The following AMOTL1 variants were observed in gnomAD, a reference collection of about 807,000 sequenced individuals.
AMOTL1 encodes angiomotin like 1, also known as angiomotin-like protein 1.
A neutral mutation model predicts 102.9 loss-of-function variants in AMOTL1; 45 were observed. The ratio of observed to expected loss-of-function variants is 0.44; its 90% CI spans 0.34 to 0.56. The LOEUF is 0.56. Among genes scored for constraint, AMOTL1 ranks in the 20% least tolerant of loss-of-function variants. AMOTL1 has a pLI of 0.01. For synonymous variants in AMOTL1, 481 were observed against 484.7 expected (o/e 0.99, Z 0.10); for missense variants, 1,114 against 1,225.6 (o/e 0.91, Z 1.36).
At chr11:94,825,583 C>G (rs147409269) in intron 4 of AMOTL1, among the ~76,000 whole-genome samples, 2 of 152,116 alleles carry the variant, frequency 1.3e-5, no homozygotes, top group African/African-American at 2.4e-5. Flanking sequence ...ACACCTAGGC[C>G]GAAAAGGAGA....
intron 3 of AMOTL1, among the ~76,000 whole-genome samples, chr11:94,811,359 G>T (rs1397275011): frequency 6.6e-6 from 1 of 151,972 alleles, no homozygotes; most frequent in African/African-American, 2.4e-5. Flanking sequence ...GCTGGGTGTG[G>T]TGGTGCACGC....
chr11:94,859,354 C>T (rs940672956), intron 8 of AMOTL1, among the ~76,000 whole-genome samples, 171 bp from the exon 9 acceptor site: 4 of 152,074 alleles, frequency 2.6e-5, no homozygotes, highest in African/African-American at 9.7e-5. Context: ...ATAATATTGT[C>T]GTTTTGCAGA....
chr11:94,836,578 T>A (rs2135675736), intron 6 of AMOTL1, among the ~76,000 whole-genome samples: 1 of 152,346 alleles, frequency 6.6e-6, no homozygotes, highest in East Asian at 1.9e-4. Context: ...CTTGAAATTA[T>A]CCTTATGCAG....
At chr11:94,771,818 T>TCC (rs1023197670) in intron 1 of AMOTL1, among the ~76,000 whole-genome samples, 2 of 152,108 alleles carry the variant, frequency 1.3e-5, no homozygotes, top group African/African-American at 4.8e-5. Context: ...TCAGGCATTT[T>TCC]CCCCCCATCT....
intron 3 of AMOTL1, among the ~76,000 whole-genome samples, chr11:94,759,194 T>A (rs1186407865): frequency 6.6e-6 from 1 of 152,202 alleles, no homozygotes; most frequent in African/African-American, 2.4e-5. Flanking sequence ...ATACAATGAA[T>A]TAAAATTTGC....
At chr11:94,836,239 G>A (rs1424128305) in intron 6 of AMOTL1, among the ~76,000 whole-genome samples, 1 of 152,128 alleles carries the variant, frequency 6.6e-6, no homozygotes, top group Middle Eastern at 3.2e-3. Flanking sequence ...AGATGCTATG[G>A]GTTTCTATCA....
At chr11:94,710,115 C>T (rs2135426601) in intron 1 of AMOTL1, among the ~76,000 whole-genome samples, 1 of 152,322 alleles carries the variant, frequency 6.6e-6, no homozygotes, top group East Asian at 1.9e-4. Flanking sequence ...CAAGGCTCTG[C>T]TGAAGATCTG....
At position 94,875,359 on chromosome 11, in the gene AMOTL1, T is replaced by G. The variant is rs1367951928; in HGVS notation, c.*4564T>G. 3 of 152,206 alleles carry G rather than the reference T, an allele frequency of 2.0e-5. No individual in the cohort carries two copies. The highest frequency in any genetic ancestry group is 1.3e-4 in the Admixed American group (2 of 15,280). 9.4% of individuals were successfully genotyped at this position (152,206 alleles called of 1,614,324 possible). A position where few individuals can be genotyped will look rare whatever the true frequency, so the allele number is the denominator to read the frequency against. ...GTATACCCTTTTCTCACTTAGTAAT[T>G]TAATGGTATATAAAGACATGTGTAT... On this transcript the variant is annotated 3_prime_UTR_variant, in exon 13 of 13. Transcript: ENST00000433060.
In AMOTL1 at chr11:94,864,613, T is replaced by C. The variant is rs1454444770; in HGVS notation, c.2136-122T>C. 23 of 1,360,214 alleles carry C rather than the reference T, an allele frequency of 1.7e-5. 1 individual carries two copies. In the South Asian group the frequency reaches 3.5e-4, roughly 21 times the overall value. 84.3% of individuals were successfully genotyped at this position (1,360,214 alleles called of 1,614,324 possible). ...GGGAGGGAAAGGCTTCATGAGCCAA[T>C]GCGAGATGCAGAGCTGATCTCTGTT... On this transcript the variant is annotated intron_variant, in intron 9 of 12. Coordinates refer to ENST00000433060, the MANE Select transcript of AMOTL1 (RefSeq NM_130847.3).
chr11:94,799,434 A>T lies in AMOTL1; in HGVS notation c.244A>T (p.Ile82Phe). The T allele has an allele frequency of 6.3e-7, 1 of 1,597,136 alleles. No individual in the cohort carries two copies. The highest frequency in any genetic ancestry group is 1.7e-5 in the Admixed American group (1 of 57,392). ...CNFHSPNFLR[I>F]SEVEMRGSED... is the part of the protein sequence containing the mutation. ...CTTCCACTCCCCAAACTTCCTGAGG[A>T]TCTCAGAGGTGGAAATGAGAGGTTC... The change falls in exon 3 of 13, where the codon ATC (isoleucine) becomes TTC (phenylalanine). Residue 82 changes from isoleucine to phenylalanine, a missense_variant. By Grantham distance (21) the Ile-to-Phe change is conservative. Transcript: ENST00000433060. This position sits in a 1 kb window ranked among gnomAD's most constrained non-coding sequence, Gnocchi z 4.5.
chr11:94,811,499 GA>G (rs903712534), intron 3 of AMOTL1, among the ~76,000 whole-genome samples: 12 of 149,286 alleles, frequency 8.0e-5, no homozygotes, highest in South Asian at 4.3e-4. Context: ...CTGCCTCCGA[GA>G]AAAAAAAAAT....
exon 2 of AMOTL1, chr11:94,729,050 G>A (rs1282878661): frequency 1.6e-6 from 2 of 1,289,102 alleles, no homozygotes; most frequent in Middle Eastern, 2.1e-4. Flanking sequence ...GCCAGCACCA[G>A]AGCGGGTAAG....
chr11:94,722,524 T>C (rs996179770), intron 1 of AMOTL1, among the ~76,000 whole-genome samples: 3 of 152,192 alleles, frequency 2.0e-5, no homozygotes, highest in Non-Finnish European at 4.4e-5. Context: ...TGATACCCTA[T>C]TACAGATAGA....
In AMOTL1 at chr11:94,861,687, G is replaced by A. The variant is rs184009147; in HGVS notation, c.2135+1972G>A. ...ACCTGACCACATTGCTTTGGCTGAG[G>A]ACACTAAAGCCCCAGTAGCAGTGTA... On this transcript the variant is annotated intron_variant, in intron 9 of 12. Transcript: ENST00000433060. Among the ~76,000 whole-genome samples the A allele has an allele frequency of 2.0e-5, 3 of 152,264 alleles. No homozygotes were observed. The East Asian group carries it at 5.8e-4, about 29-fold the overall frequency.
At chr11:94,717,051 G>C (rs1950109649) in intron 1 of AMOTL1, among the ~76,000 whole-genome samples, 3 of 151,908 alleles carry the variant, frequency 2.0e-5, no homozygotes, top group Admixed American at 2.0e-4. Flanking sequence ...TTGGTGGTTT[G>C]GGGTTGTAAG....
At chr11:94,819,372 G>A (rs1331764662) in intron 3 of AMOTL1, among the ~76,000 whole-genome samples, 1 of 152,110 alleles carries the variant, frequency 6.6e-6, no homozygotes, top group African/African-American at 2.4e-5. Flanking sequence ...GTGGACATAG[G>A]ACAGACACAA....
chr11:94,799,318 G>A lies in AMOTL1; in HGVS notation c.200-72G>A, dbSNP rs1333490268. ...TTGCTGTAGTTAGAATGTTAATTAT[G>A]TACCACATAGTCACAGACATATATC... On this transcript the variant is annotated intron_variant, in intron 2 of 12. Coordinates refer to ENST00000433060, the MANE Select transcript of AMOTL1 (RefSeq NM_130847.3). This position sits in a 1 kb window ranked among gnomAD's most constrained non-coding sequence, Gnocchi z 4.5. 2 of 1,213,270 alleles carry A rather than the reference G, an allele frequency of 1.6e-6. No individual in the cohort carries two copies. Among genetic ancestry groups the A allele is most frequent in the Non-Finnish European group, 2.3e-6 (2 of 881,746 alleles). 75.2% of individuals were successfully genotyped at this position (1,213,270 alleles called of 1,614,324 possible).
intron 3 of AMOTL1, among the ~76,000 whole-genome samples, chr11:94,818,485 TG>T (rs1257515461): frequency 6.6e-6 from 1 of 152,216 alleles, no homozygotes; most frequent in Non-Finnish European, 1.5e-5. Flanking sequence ...ACAGCCTATA[TG>T]GCAAATAATT....
At chr11:94,825,562 A>G (rs1043405209) in intron 4 of AMOTL1, among the ~76,000 whole-genome samples, 1 of 152,152 alleles carries the variant, frequency 6.6e-6, no homozygotes, top group Non-Finnish European at 1.5e-5. Context: ...GCCTGGCCTA[A>G]GAGCTCCCTG....
Sources: allele counts gnomAD v4.1 joint callset (sites outside exome capture counted in the v4.1 genomes callset), GRCh38; gene constraint gnomAD v4.1.1; non-coding constraint Gnocchi (gnomAD v3.1); transcripts MANE v1.5; gene names NCBI Gene and HGNC (gene_info 2026-07-23, HGNC 2026-07-21).